EML5: variants seen among roughly 807,000 people sequenced by gnomAD.
The protein encoded by EML5 is echinoderm microtubule-associated protein-like 5.
EML5 carries 120 observed loss-of-function variants against 250.0 expected under a neutral mutation model. That is an observed-to-expected ratio of 0.48 (90% CI 0.41 to 0.56). The LOEUF (loss-of-function observed/expected upper bound fraction) is 0.56. EML5 is among the 20% of genes least tolerant of loss of function. EML5 has a pLI of 0.00. For missense variants in EML5, 2,006 were observed against 2,437.6 expected (o/e 0.82, Z 3.73); for synonymous variants, 771 against 806.5 (o/e 0.96, Z 0.75).
intron 21 of EML5, among the ~76,000 whole-genome samples, chr14:88,667,250 T>G (rs2141006363): frequency 6.6e-6 from 1 of 152,334 alleles, no homozygotes; most frequent in South Asian, 2.1e-4. Context: ...TGTATATCTT[T>G]ATTTGTGTAT....
chr14:88,712,374 G>A lies in EML5; in HGVS notation c.1554C>T (p.Ile518=), dbSNP rs769638757. Residue 518 remains isoleucine, a synonymous_variant, in exon 10 of 44, where the codon ATC becomes ATT. Transcript: ENST00000554922. ...VNGIWPKYSD[I]NDINSVDGNY... ...TTCCATCTACTGAATTTATATCGTT[G>A]ATATCTGAATACTTGGGCCAAATTC... The A allele has an allele frequency of 6.2e-7, 1 of 1,613,370 alleles. No homozygotes were observed. The highest frequency in any genetic ancestry group is 8.5e-7 in the Non-Finnish European group (1 of 1,179,508).
chr14:88,664,275 CAAAA>C (rs35920066), intron 23 of EML5, among the ~76,000 whole-genome samples: 2 of 105,698 alleles, frequency 1.9e-5, no homozygotes, highest in Admixed American at 1.9e-4. Flanking sequence ...AGACCTGTCT[CAAAA>C]AAAAAAAAAA....
intron 1 of EML5, among the ~76,000 whole-genome samples, chr14:88,785,347 T>C (rs2094541042): frequency 6.6e-6 from 1 of 152,190 alleles, no homozygotes; most frequent in East Asian, 1.9e-4. Context: ...CTGGATTCTT[T>C]GTAATACAAA....
At chr14:88,660,438 C>T (rs533389360) in intron 25 of EML5, among the ~76,000 whole-genome samples, 26 of 152,046 alleles carry the variant, frequency 1.7e-4, no homozygotes, top group Admixed American at 3.9e-4. Context: ...AGCATAGGTA[C>T]GTAGAATGCC....
intron 33 of EML5, among the ~76,000 whole-genome samples, chr14:88,632,897 G>A (rs2090517365): frequency 1.3e-5 from 2 of 152,210 alleles, no homozygotes; most frequent in South Asian, 4.1e-4. Context: ...TGCTGGATTT[G>A]ACTGCTGGAG....
chr14:88,754,691 ATAAG>A lies in EML5; in HGVS notation c.198-24_198-21del. The A allele has an allele frequency of 6.4e-7, 1 of 1,567,584 alleles. No homozygotes were observed. Reference sequence around the variant, plus strand: ...GCAAGGCTGTAAAATAAGGAAATAAATAAGTAGTATTATTAAAAATTGCTTATAC... The same window carrying A: ...GCAAGGCTGTAAAATAAGGAAATAAATAGTATTATTAAAAATTGCTTATAC... On this transcript the variant is annotated intron_variant, in intron 1 of 43. Transcript: ENST00000554922.
chr14:88,664,372 T>C (rs1361498465), intron 23 of EML5, 121 bp downstream of exon 23: 3 of 746,572 alleles, frequency 4.0e-6, no homozygotes, highest in Non-Finnish European at 5.9e-6. Flanking sequence ...ATTTTGAGAA[T>C]AATGGTTGTT....
chr14:88,757,747 C>A (rs899967720), intron 1 of EML5, among the ~76,000 whole-genome samples: 1 of 152,050 alleles, frequency 6.6e-6, no homozygotes, highest in Admixed American at 6.6e-5. Context: ...AAATACAAAT[C>A]AAAAATCACA....
intron 39 of EML5, chr14:88,619,737 A>AT (rs1429036137): frequency 6.6e-6 from 1 of 152,026 alleles, no homozygotes; most frequent in African/African-American, 2.4e-5. Context: ...CTGGAGTGCG[A>AT]TGGCGCAACC....
At chr14:88,673,059 C>T (rs547530731) in intron 21 of EML5, among the ~76,000 whole-genome samples, 4 of 152,020 alleles carry the variant, frequency 2.6e-5, no homozygotes, top group Non-Finnish European at 4.4e-5. Flanking sequence ...GATCTTGATA[C>T]CAAAACCTGG....
intron 1 of EML5, among the ~76,000 whole-genome samples, chr14:88,769,362 T>A (rs1018248714): frequency 4.6e-5 from 7 of 152,154 alleles, no homozygotes; most frequent in Admixed American, 3.9e-4. Context: ...CCCTTTGCCT[T>A]CTGCCATGAC....
chr14:88,749,642 GA>G (rs1199212405), intron 2 of EML5, among the ~76,000 whole-genome samples: 1 of 151,986 alleles, frequency 6.6e-6, no homozygotes, highest in Non-Finnish European at 1.5e-5. Flanking sequence ...CAGAAGAAAG[GA>G]AACAGCAGAA....
At chr14:88,693,654 C>T (rs2093008976) in intron 17 of EML5, among the ~76,000 whole-genome samples, 1 of 150,330 alleles carries the variant, frequency 6.7e-6, no homozygotes, top group African/African-American at 2.4e-5. Flanking sequence ...CAGTAAATTA[C>T]TTTTAAAAAA....
chr14:88,730,111 T>C (rs1443368745), intron 7 of EML5, among the ~76,000 whole-genome samples: 1 of 152,120 alleles, frequency 6.6e-6, no homozygotes, highest in Non-Finnish European at 1.5e-5. Flanking sequence ...TATATATTAA[T>C]ACTGGACTTA....
intron 31 of EML5, 46 bp from the exon 32 acceptor site, chr14:88,638,953 A>G (rs1404587827): frequency 7.0e-7 from 1 of 1,426,558 alleles, no homozygotes; most frequent in Non-Finnish European, 9.5e-7. Context: ...TTTAAGATGT[A>G]ACAGCCAAAA....
At chr14:88,664,208 T>C (rs2092232219) in intron 23 of EML5, among the ~76,000 whole-genome samples, 1 of 149,658 alleles carries the variant, frequency 6.7e-6, no homozygotes, top group Non-Finnish European at 1.5e-5. Context: ...GCCCAGGAGG[T>C]TAAGGTTGTA....
chr14:88,787,087 A>T (rs2094558738), intron 1 of EML5, among the ~76,000 whole-genome samples: 1 of 152,160 alleles, frequency 6.6e-6, no homozygotes, highest in African/African-American at 2.4e-5. Flanking sequence ...TCATAACACA[A>T]AACCACTGCA....
intron 17 of EML5, among the ~76,000 whole-genome samples, chr14:88,689,547 A>ATTCC (rs200722411): frequency 3.2e-4 from 48 of 152,118 alleles, no homozygotes; most frequent in Admixed American, 1.6e-3. Context: ...GGACTCACAA[A>ATTCC]TTCCTTCCTT....
intron 8 of EML5, among the ~76,000 whole-genome samples, chr14:88,723,183 C>T (rs1340220586): frequency 6.6e-6 from 1 of 152,122 alleles, no homozygotes; most frequent in Non-Finnish European, 1.5e-5. Flanking sequence ...GCAGCTGAGG[C>T]AGGAGGATTG....
Sources: allele counts gnomAD v4.1 joint callset (sites outside exome capture counted in the v4.1 genomes callset), GRCh38; gene constraint gnomAD v4.1.1; transcripts MANE v1.5; gene names NCBI Gene and HGNC (gene_info 2026-07-23, HGNC 2026-07-21).